Variants in SYNPO2 observed in about 807,000 individuals in gnomAD.
SYNPO2 encodes synaptopodin 2.
In SYNPO2, 56 loss-of-function variants were observed where a neutral mutation model predicts 85.0. The ratio of observed to expected loss-of-function variants is 0.66; its 90% CI spans 0.53 to 0.82. SYNPO2 has a LOEUF of 0.82. Among genes scored for constraint, SYNPO2 ranks in the 40% least tolerant of loss-of-function variants. The pLI is 0.00. For missense variants in SYNPO2, 1,575 were observed against 1,534.2 expected, an observed-to-expected ratio of 1.03 and a Z score of -0.44; for synonymous variants, 602 against 591.1, an observed-to-expected ratio of 1.02 and a Z score of -0.27.
chr4:118,994,954 G>T (rs531386402), intron 1 of SYNPO2, among the ~76,000 whole-genome samples: 1 of 152,252 alleles, frequency 6.6e-6, no homozygotes, highest in South Asian at 2.1e-4. Flanking sequence ...ATAGATCCTT[G>T]TCTAATGAAT....
chr4:118,864,112 T>C (rs1229912340), intron 1 of SYNPO2, among the ~76,000 whole-genome samples: 1 of 138,496 alleles, frequency 7.2e-6, no homozygotes, highest in Non-Finnish European at 1.7e-5. Context: ...TTCCTCTTAG[T>C]ACTGCTTTTG....
chr4:118,982,894 T>C (rs1011879621), intron 1 of SYNPO2, among the ~76,000 whole-genome samples: 3 of 152,194 alleles, frequency 2.0e-5, no homozygotes, highest in Non-Finnish European at 4.4e-5. Context: ...ACAGTTCTTT[T>C]GAGACTGTGG....
intron 1 of SYNPO2, among the ~76,000 whole-genome samples, chr4:118,964,009 C>T (rs886973171): frequency 2.6e-5 from 4 of 152,150 alleles, no homozygotes; most frequent in African/African-American, 9.7e-5. Flanking sequence ...GGATTGCATC[C>T]TATTAGGACG....
At chr4:118,905,627 T>C (rs1416112934) in intron 1 of SYNPO2, among the ~76,000 whole-genome samples, 1 of 152,112 alleles carries the variant, frequency 6.6e-6, no homozygotes, top group Non-Finnish European at 1.5e-5. Context: ...CATAGAAAAA[T>C]CTCTTTTCAG....
chr4:119,017,742 A>T (rs1737576629), intron 1 of SYNPO2, among the ~76,000 whole-genome samples: 1 of 152,118 alleles, frequency 6.6e-6, no homozygotes, highest in Admixed American at 6.5e-5. Flanking sequence ...TAAGGAAGAG[A>T]TTGTCTTGTT....
intron 4 of SYNPO2, chr4:119,035,811 G>A (rs570726393): frequency 3.2e-6 from 3 of 927,008 alleles, no homozygotes; most frequent in Middle Eastern, 5.7e-4. Flanking sequence ...AGTCACATCT[G>A]AGATGTCCAA....
Position 118,957,721 on chromosome 4 carries a change from C to T in SYNPO2, c.106-65709C>T, listed in dbSNP as rs146455963. On this transcript the variant is annotated intron_variant, in intron 1 of 4. Transcript: ENST00000307142. ...TAATAAAATGACTTGCATCTTCAAA[C>T]TTCTGCAAAGCTCTTCCATCTCCAC... Among the ~76,000 whole-genome samples the T allele has an allele frequency of 5.3e-3, 803 of 152,346 alleles. 6 individuals are homozygous for T. The highest frequency in any genetic ancestry group is 0.018 in the African/African-American group (764 of 41,578).
chr4:119,027,560 T>G, intron 3 of SYNPO2, 122 bp downstream of exon 3: 3 of 951,144 alleles, frequency 3.2e-6, no homozygotes, highest in South Asian at 2.3e-5. Context: ...AAGAAATATT[T>G]AATTAATGCA....
intron 1 of SYNPO2, among the ~76,000 whole-genome samples, chr4:118,851,937 A>T (rs1731426371): frequency 6.6e-6 from 1 of 152,124 alleles, no homozygotes; most frequent in African/African-American, 2.4e-5. Context: ...CCACACCAAA[A>T]CTCAGCAAGA....
At chr4:119,020,858 T>G (rs1038616437) in intron 1 of SYNPO2, among the ~76,000 whole-genome samples, 2 of 152,220 alleles carry the variant, frequency 1.3e-5, no homozygotes, top group Non-Finnish European at 2.9e-5. Flanking sequence ...ATCTTTCATT[T>G]TAAATATTTC....
chr4:119,000,226 A>G (rs1410121111), intron 1 of SYNPO2, among the ~76,000 whole-genome samples: 7 of 152,174 alleles, frequency 4.6e-5, no homozygotes, highest in Admixed American at 6.5e-5. Flanking sequence ...AAAGCAAGAC[A>G]CTGACACAGG....
chr4:118,960,368 AAAAT>A (rs767160927), intron 1 of SYNPO2, among the ~76,000 whole-genome samples: 9 of 152,238 alleles, frequency 5.9e-5, no homozygotes, highest in Non-Finnish European at 1.2e-4. Flanking sequence ...CAGAATTGCT[AAAAT>A]AAAAATTAGT....
At chr4:118,998,322 G>A (rs115159475) in intron 1 of SYNPO2, among the ~76,000 whole-genome samples, 4,557 of 152,200 alleles carry the variant, frequency 0.03, 213 homozygotes, top group African/African-American at 0.1. Context: ...CACACTTTAA[G>A]GGCAAAGTTT....
intron 1 of SYNPO2, among the ~76,000 whole-genome samples, chr4:118,880,009 C>T (rs1368014221): frequency 1.3e-5 from 2 of 152,172 alleles, no homozygotes; most frequent in Non-Finnish European, 2.9e-5. Context: ...ACGGTGCTCC[C>T]CTTTCTTTCC....
At chr4:119,051,195 T>TTTTTTTA in intron 4 of SYNPO2, among the ~76,000 whole-genome samples, 1 of 136,934 alleles carries the variant, frequency 7.3e-6, no homozygotes, top group Non-Finnish European at 1.6e-5. Flanking sequence ...AATTTTTTTT[T>TTTTTTTA]TTTTTTTTTT....
chr4:119,029,951 G>A lies in SYNPO2; in HGVS notation c.1176G>A (p.Lys392=), dbSNP rs746979233. Residue 392 remains lysine (K), a synonymous_variant, in exon 4 of 5, where the codon AAG becomes AAA. Transcript: ENST00000307142. The part of the protein sequence containing the change: ...LLTDAPNPNS[K]GVLMFKKRRR... Reference sequence around the variant, plus strand: ...CGGATGCTCCCAACCCCAACTCCAAGGGGGTGTTGATGTTTAAGAAGCGAC... The same window carrying A: ...CGGATGCTCCCAACCCCAACTCCAAAGGGGTGTTGATGTTTAAGAAGCGAC... 2 of 1,614,004 alleles carry A rather than the reference G, an allele frequency of 1.2e-6. No individual in the cohort carries two copies. Among genetic ancestry groups the A allele is most frequent in the Non-Finnish European group, 8.5e-7 (1 of 1,180,008 alleles).
intron 4 of SYNPO2, chr4:119,037,966 T>G (rs1201802774): frequency 4.4e-6 from 1 of 227,244 alleles, no homozygotes; most frequent in African/African-American, 2.3e-5. Flanking sequence ...TCATTATTCT[T>G]CAGAATTACA....
intron 1 of SYNPO2, among the ~76,000 whole-genome samples, chr4:118,870,650 A>G (rs971565878): frequency 6.6e-6 from 1 of 152,154 alleles, no homozygotes; most frequent in Non-Finnish European, 1.5e-5. Context: ...TTACATTTCC[A>G]CCAACAGTGT....
intron 1 of SYNPO2, among the ~76,000 whole-genome samples, chr4:118,975,051 TC>T (rs1310393417): frequency 1.3e-5 from 2 of 152,192 alleles, no homozygotes; most frequent in African/African-American, 4.8e-5. Flanking sequence ...TCAATATGGT[TC>T]TACCCCAGTA....
Sources: gnomAD v4.1 joint callset for allele counts (sites outside exome capture counted in the v4.1 genomes callset) on GRCh38, gnomAD v4.1.1 for gene constraint, MANE v1.5 for transcripts, NCBI Gene and HGNC (gene_info 2026-07-23, HGNC 2026-07-21) for gene names.